Variants in LRP1B observed in about 807,000 individuals in gnomAD.
The protein encoded by LRP1B is low-density lipoprotein receptor-related protein 1B.
In LRP1B, 217 loss-of-function variants were observed where a neutral mutation model predicts 556.6. That is an observed-to-expected ratio of 0.39 (90% confidence interval 0.35 to 0.44). The LOEUF is 0.44. Ranked by LOEUF, LRP1B falls within the 20% of genes least tolerant of loss-of-function variation. The probability of loss-of-function intolerance (pLI) is 1.00; values close to 1 mark genes in which losing one functional copy is unlikely to be tolerated. For synonymous variants in LRP1B, 2,047 were observed against 1,865.8 expected (o/e 1.10, Z -2.50); for missense variants, 5,053 against 5,620.8 (o/e 0.90, Z 3.23).
chr2:141,093,187 C>T (rs149641739), intron 7 of LRP1B, among the ~76,000 whole-genome samples: 6 of 151,768 alleles, frequency 4.0e-5, no homozygotes, highest in African/African-American at 9.7e-5. Flanking sequence ...TAGAAGGAAA[C>T]TCATGGATAA....
At chr2:140,954,734 C>G (rs1373168134) in intron 18 of LRP1B, among the ~76,000 whole-genome samples, 1 of 151,994 alleles carries the variant, frequency 6.6e-6, no homozygotes, top group Non-Finnish European at 1.5e-5. Flanking sequence ...TCTGCCCACA[C>G]TGAATAAAAC....
chr2:140,474,654 C>T (rs1277029772), intron 60 of LRP1B, among the ~76,000 whole-genome samples: 1 of 151,882 alleles, frequency 6.6e-6, no homozygotes, highest in African/African-American at 2.4e-5. Flanking sequence ...CTGTTATATC[C>T]TTGTCTGTTA....
intron 6 of LRP1B, among the ~76,000 whole-genome samples, chr2:141,199,309 G>A (rs1269646042): frequency 6.6e-6 from 1 of 152,110 alleles, no homozygotes; most frequent in Non-Finnish European, 1.5e-5. Context: ...ATTTTACCAT[G>A]AAGGCCACTC....
At chr2:141,547,882 G>A (rs1336814651) in intron 2 of LRP1B, among the ~76,000 whole-genome samples, 2 of 152,164 alleles carry the variant, frequency 1.3e-5, no homozygotes, top group Non-Finnish European at 2.9e-5. Context: ...TAAATGGAAT[G>A]TTGTATCTTC....
At chr2:141,549,765 G>T (rs1685683289) in intron 2 of LRP1B, among the ~76,000 whole-genome samples, 1 of 152,180 alleles carries the variant, frequency 6.6e-6, no homozygotes, top group Admixed American at 6.5e-5. Flanking sequence ...GGGAGGCCGA[G>T]GCAGGTGGAT....
rs545784319 is a variant in LRP1B, at chr2:140,616,179, T to A, written c.6800-14540A>T. On this transcript the variant is annotated intron_variant, in intron 41 of 90. Transcript: ENST00000389484. ...CCTTGGAGCTATTTTTTCCCTGTAG[T>A]TATTAGCAGTCAGTAATATGTACTC... 3.3e-5 allele frequency among the ~76,000 whole-genome samples: 5 copies of A among 152,080 alleles called. No homozygotes were observed. The East Asian group carries it at 9.6e-4, about 29-fold the overall frequency.
chr2:142,015,743 C>T (rs1426762642), intron 1 of LRP1B, among the ~76,000 whole-genome samples: 2 of 151,960 alleles, frequency 1.3e-5, no homozygotes, highest in Non-Finnish European at 2.9e-5. Context: ...TCTGTAATCC[C>T]AGCACTTTGG....
chr2:140,373,997 T>C, intron 68 of LRP1B, among the ~76,000 whole-genome samples: 1 of 152,198 alleles, frequency 6.6e-6, no homozygotes. Context: ...GTTGCAGTTC[T>C]CCTTCTCCTC....
chr2:140,459,298 G>A, intron 60 of LRP1B, among the ~76,000 whole-genome samples: 1 of 151,950 alleles, frequency 6.6e-6, no homozygotes, highest in East Asian at 1.9e-4. Flanking sequence ...CTTGGTGATG[G>A]GTGATTATTA....
intron 3 of LRP1B, among the ~76,000 whole-genome samples, chr2:141,350,351 A>G (rs186916522): frequency 6.6e-6 from 1 of 152,222 alleles, no homozygotes; most frequent in Admixed American, 6.5e-5. Context: ...AGGGCAGTGA[A>G]AAGATGGCGA....
At chr2:140,649,115 T>G (rs1035685904) in intron 41 of LRP1B, among the ~76,000 whole-genome samples, 1 of 152,190 alleles carries the variant, frequency 6.6e-6, no homozygotes, top group African/African-American at 2.4e-5. Flanking sequence ...TACAGGTGTT[T>G]TCTAGGTACA....
intron 3 of LRP1B, among the ~76,000 whole-genome samples, chr2:141,400,112 G>A (rs1690395017): frequency 6.6e-6 from 1 of 151,924 alleles, no homozygotes; most frequent in African/African-American, 2.4e-5. Flanking sequence ...CAGGCTCCCA[G>A]CTGCATGCTG....
chr2:140,323,907 T>A lies in LRP1B; in HGVS notation c.12500A>T (p.Tyr4167Phe), dbSNP rs1298710992. Residue 4167 changes from tyrosine (Y) to phenylalanine (F), a missense_variant, in exon 81 of 91, where the codon TAT (tyrosine) becomes TTT (phenylalanine). Around this residue, in one of 5 missense-constraint regions of LRP1B, gnomAD observed 551 missense variants for 592.0 expected, o/e 0.93. Coordinates refer to ENST00000389484, the MANE Select transcript of LRP1B (RefSeq NM_018557.3). ...KTKGVLISHR[Y>F]KQLDLPNPCL... ...ATTATACTTACAATCTAGTTGTTTA[T>A]AACGATGAGATATCAAAACACCTTT... is the stretch of plus-strand genomic sequence containing the variant. 2 of 1,533,734 alleles carry A rather than the reference T, an allele frequency of 1.3e-6. No individual in the cohort carries two copies. The highest frequency in any genetic ancestry group is 3.4e-5 in the Admixed American group (2 of 59,560).
At chr2:140,772,328 T>C (rs778541153) in intron 33 of LRP1B, among the ~76,000 whole-genome samples, 3 of 151,776 alleles carry the variant, frequency 2.0e-5, no homozygotes, top group Non-Finnish European at 4.4e-5. Flanking sequence ...TATATTATTT[T>C]TGAGACAGTC....
intron 1 of LRP1B, among the ~76,000 whole-genome samples, chr2:141,921,085 T>G (rs1344002725): frequency 6.6e-6 from 1 of 152,062 alleles, no homozygotes; most frequent in Non-Finnish European, 1.5e-5. Context: ...GGAAGCTATG[T>G]TCTTTTGATA....
At chr2:141,608,249 T>A (rs1687986607) in intron 2 of LRP1B, among the ~76,000 whole-genome samples, 3 of 152,042 alleles carry the variant, frequency 2.0e-5, no homozygotes, top group African/African-American at 7.2e-5. Flanking sequence ...AAGAAATAAT[T>A]TGTTTAATAA....
intron 6 of LRP1B, among the ~76,000 whole-genome samples, chr2:141,214,937 A>G (rs73962860): frequency 0.012 from 1,866 of 152,322 alleles, 36 homozygotes; most frequent in African/African-American, 0.043. Flanking sequence ...TTCCTTGTTT[A>G]TGCTAAATTT....
At chr2:141,512,564 G>A (rs1684169654) in intron 2 of LRP1B, among the ~76,000 whole-genome samples, 1 of 152,072 alleles carries the variant, frequency 6.6e-6, no homozygotes, top group South Asian at 2.1e-4. Context: ...ATGACTTCAT[G>A]GAGCTGAGCA....
intron 31 of LRP1B, among the ~76,000 whole-genome samples, chr2:140,839,092 T>C (rs1405667630): frequency 6.6e-6 from 1 of 152,124 alleles, no homozygotes; most frequent in Non-Finnish European, 1.5e-5. Flanking sequence ...CTTGTAATTA[T>C]CAATAATGAC....
Sources: gnomAD v4.1 joint callset for allele counts (sites outside exome capture counted in the v4.1 genomes callset) on GRCh38, gnomAD v4.1.1 for gene constraint, gnomAD v4.1.1 regional missense constraint, MANE v1.5 for transcripts, NCBI Gene and HGNC (gene_info 2026-07-23, HGNC 2026-07-21) for gene names.